Variants in ARHGAP42 observed in about 807,000 individuals in gnomAD.
ARHGAP42 encodes the protein rho GTPase-activating protein 42.
Under a neutral mutation model 125.0 loss-of-function variants are expected in ARHGAP42, and 63 were observed. That is an observed-to-expected ratio of 0.50 (90% confidence interval 0.41 to 0.62). The LOEUF (loss-of-function observed/expected upper bound fraction) is 0.62. Among genes scored for constraint, ARHGAP42 ranks in the 20% least tolerant of loss-of-function variants. The pLI is 0.00. For missense variants in ARHGAP42, 766 were observed against 1,024.2 expected (o/e 0.75, Z 3.44); for synonymous variants, 339 against 351.0 (o/e 0.97, Z 0.38).
intron 4 of ARHGAP42, among the ~76,000 whole-genome samples, chr11:100,878,068 T>C (rs1865866744): frequency 6.6e-6 from 1 of 151,330 alleles, no homozygotes; most frequent in Non-Finnish European, 1.5e-5. Context: ...ATTTAACATA[T>C]GAATATGGGA....
chr11:100,775,180 A>C (rs1349842556), intron 2 of ARHGAP42, among the ~76,000 whole-genome samples: 7 of 152,164 alleles, frequency 4.6e-5, no homozygotes, highest in African/African-American at 1.4e-4. Context: ...GAGTCCATCC[A>C]CATAACTTCC....
At chr11:100,929,369 C>T (rs1275738169) in intron 6 of ARHGAP42, among the ~76,000 whole-genome samples, 1 of 152,158 alleles carries the variant, frequency 6.6e-6, no homozygotes, top group Non-Finnish European at 1.5e-5. Flanking sequence ...TGGCCTGCAG[C>T]CCAGGGATTG....
At chr11:100,980,392 T>C (rs1270533882) in intron 22 of ARHGAP42, among the ~76,000 whole-genome samples, 1 of 151,876 alleles carries the variant, frequency 6.6e-6, no homozygotes, top group Non-Finnish European at 1.5e-5. Context: ...ATTAGGAAGC[T>C]CTAAAAAGTC....
chr11:100,772,299 G>T (rs1863000496), intron 2 of ARHGAP42, among the ~76,000 whole-genome samples: 1 of 152,192 alleles, frequency 6.6e-6, no homozygotes, highest in Non-Finnish European at 1.5e-5. Context: ...AAATCTCTGG[G>T]CAGGGTACAG....
chr11:100,750,936 C>CTT (rs762255065), intron 1 of ARHGAP42, among the ~76,000 whole-genome samples: 8 of 126,800 alleles, frequency 6.3e-5, no homozygotes, highest in African/African-American at 1.2e-4. Flanking sequence ...TTGATGTATA[C>CTT]TTTTTTTTTT....
chr11:100,901,463 C>G (rs1047308819), intron 4 of ARHGAP42, among the ~76,000 whole-genome samples: 2 of 152,234 alleles, frequency 1.3e-5, no homozygotes, highest in African/African-American at 2.4e-5. Flanking sequence ...GATAGGGACA[C>G]TGAAGTCTGC....
At chr11:100,843,746 G>A (rs1034328915) in intron 3 of ARHGAP42, among the ~76,000 whole-genome samples, 10 of 151,914 alleles carry the variant, frequency 6.6e-5, no homozygotes, top group African/African-American at 2.4e-4. Flanking sequence ...TAACCAAGGA[G>A]GTGAAACACC....
At chr11:100,858,057 A>G (rs1865361301) in intron 3 of ARHGAP42, among the ~76,000 whole-genome samples, 1 of 148,136 alleles carries the variant, frequency 6.8e-6, no homozygotes, top group Non-Finnish European at 1.5e-5. Flanking sequence ...GAAGTCAGCT[A>G]TGTGTCGCAT....
chr11:100,778,301 A>G (rs543225392), intron 2 of ARHGAP42, among the ~76,000 whole-genome samples: 7 of 152,094 alleles, frequency 4.6e-5, no homozygotes, highest in Non-Finnish European at 1.0e-4. Flanking sequence ...TCTAAAAGAG[A>G]CCTGTGATAT....
chr11:100,886,845 C>T (rs1441248414), intron 4 of ARHGAP42, among the ~76,000 whole-genome samples: 1 of 152,122 alleles, frequency 6.6e-6, no homozygotes, highest in East Asian at 1.9e-4. Context: ...TAGGTTTAGA[C>T]TTTATGTTGA....
chr11:100,813,301 T>C (rs1297300782), intron 3 of ARHGAP42, among the ~76,000 whole-genome samples: 1 of 152,198 alleles, frequency 6.6e-6, no homozygotes, highest in Non-Finnish European at 1.5e-5. Context: ...CCCCTTAAAT[T>C]GTGACAACCA....
chr11:100,968,946 G>A (rs922629535), intron 17 of ARHGAP42, among the ~76,000 whole-genome samples: 2 of 150,018 alleles, frequency 1.3e-5, no homozygotes, highest in African/African-American at 4.9e-5. Context: ...GTTTTTTTGT[G>A]TGTGTTTGTT....
intron 4 of ARHGAP42, among the ~76,000 whole-genome samples, chr11:100,885,904 G>GTGC (rs1866081854): frequency 6.6e-6 from 1 of 152,164 alleles, no homozygotes; most frequent in African/African-American, 2.4e-5. Context: ...AAAGAACTAA[G>GTGC]TGCTGTGGGA....
chr11:100,948,336 C>T, intron 10 of ARHGAP42, 121 bp from the exon 11 acceptor site: 18 of 696,850 alleles, frequency 2.6e-5, no homozygotes, highest in South Asian at 1.2e-4. Context: ...CTATGTTTTT[C>T]TCCTCTGTCT....
intron 17 of ARHGAP42, among the ~76,000 whole-genome samples, chr11:100,968,537 A>G (rs1437000996): frequency 2.6e-5 from 4 of 152,148 alleles, no homozygotes; most frequent in Admixed American, 2.6e-4. Flanking sequence ...TAAACATGTT[A>G]TATCTATATA....
intron 1 of ARHGAP42, among the ~76,000 whole-genome samples, chr11:100,728,601 C>G (rs1861901010): frequency 6.6e-6 from 1 of 151,514 alleles, no homozygotes; most frequent in Admixed American, 6.6e-5. Context: ...TCCTCTTTTC[C>G]TCATTATAAG....
chr11:100,843,499 GA>G (rs1410223828), intron 3 of ARHGAP42, among the ~76,000 whole-genome samples: 1 of 152,032 alleles, frequency 6.6e-6, no homozygotes, highest in Admixed American at 6.6e-5. Flanking sequence ...AATAGGTAAA[GA>G]AGAAATCAAA....
chr11:100,896,238 A>G (rs570926833), intron 4 of ARHGAP42, among the ~76,000 whole-genome samples: 13,752 of 152,142 alleles, frequency 0.09, 861 homozygotes, highest in Non-Finnish European at 0.13. Context: ...AATCCAGTCT[A>G]TCATTGATGG....
intron 7 of ARHGAP42, among the ~76,000 whole-genome samples, chr11:100,935,488 T>C (rs986374328): frequency 6.6e-6 from 1 of 152,192 alleles, no homozygotes; most frequent in Non-Finnish European, 1.5e-5. Flanking sequence ...CAAAAGTATA[T>C]GAATTTATTT....
Sources: allele counts gnomAD v4.1 joint callset (sites outside exome capture counted in the v4.1 genomes callset), GRCh38; gene constraint gnomAD v4.1.1; transcripts MANE v1.5; gene names NCBI Gene and HGNC (gene_info 2026-07-23, HGNC 2026-07-21).